The following PTPRM variants were observed in gnomAD, a reference collection of about 807,000 sequenced individuals.
PTPRM encodes the protein receptor-type tyrosine-protein phosphatase mu.
In PTPRM, 47 loss-of-function variants were observed where a neutral mutation model predicts 186.7. That is an observed-to-expected ratio of 0.25 (90% confidence interval 0.20 to 0.32). The LOEUF is 0.32. Among genes scored for constraint, PTPRM ranks in the 10% least tolerant of loss-of-function variants. The pLI, the probability that PTPRM is intolerant of heterozygous loss-of-function variation, is 1.00. For missense variants in PTPRM, 1,494 were observed against 1,865.0 expected, an observed-to-expected ratio of 0.80 and a Z score of 3.66; for synonymous variants, 668 against 674.9, an observed-to-expected ratio of 0.99 and a Z score of 0.16.
At position 8,379,257 on chromosome 18, in the gene PTPRM, A is replaced by G. The variant is rs766485177; in HGVS notation, c.3703A>G (p.Ile1235Val). The G allele has an allele frequency of 2.5e-6, 4 of 1,614,020 alleles. No individual in the cohort carries two copies. In the South Asian group the frequency reaches 3.3e-5, roughly 13 times the overall value. Reference protein sequence around the residue: ...RNHEKNRCMDILPPDRCLPFL... With the variant: ...RNHEKNRCMDVLPPDRCLPFL... The stretch of plus-strand genomic sequence containing the variant: ...CCATGAGAAAAACCGGTGCATGGAC[A>G]TCCTGCCCCCAGACCGCTGCCTGCC... Residue 1235 changes from isoleucine to valine, a missense_variant, in exon 28 of 33, where the codon ATC becomes GTC. By Grantham distance (29) the Ile-to-Val change is conservative (BLOSUM62 3). This residue lies in a region of PTPRM where 1,107 missense variants were observed against 1,350.2 expected (regional missense o/e 0.82). Transcript: ENST00000580170.
intron 1 of PTPRM, among the ~76,000 whole-genome samples, chr18:7,596,698 AG>A (rs1428244865): frequency 8.5e-5 from 13 of 152,070 alleles, no homozygotes; most frequent in Admixed American, 8.5e-4. Context: ...TTGGGGTACA[AG>A]GGGGGACTGC....
At chr18:8,142,972 AC>A (rs2092799492) in intron 13 of PTPRM, among the ~76,000 whole-genome samples, 1 of 152,180 alleles carries the variant, frequency 6.6e-6, no homozygotes, top group Non-Finnish European at 1.5e-5. Context: ...AGCCACCACC[AC>A]TGTAAGACCC....
At chr18:8,252,388 T>C in intron 17 of PTPRM, 100 bp from the exon 18 acceptor site, 3 of 1,020,768 alleles carry the variant, frequency 2.9e-6, no homozygotes, top group Non-Finnish European at 4.7e-6. Context: ...AGTTAAAGCA[T>C]AAAATAAAAA....
chr18:8,224,283 T>G (rs2094187790), intron 14 of PTPRM, among the ~76,000 whole-genome samples: 1 of 152,230 alleles, frequency 6.6e-6, no homozygotes, highest in South Asian at 2.1e-4. Context: ...ATTTAAATCT[T>G]GTGACTCTTC....
chr18:8,085,965 T>G, intron 10 of PTPRM, 93 bp downstream of exon 10: 2 of 1,205,046 alleles, frequency 1.7e-6, no homozygotes, highest in Non-Finnish European at 2.4e-6. Context: ...TCGCCCACAC[T>G]AACATTGTAT....
At chr18:7,785,396 A>G (rs76420947) in intron 2 of PTPRM, among the ~76,000 whole-genome samples, 2,697 of 152,296 alleles carry the variant, frequency 0.018, 19 homozygotes, top group Non-Finnish European at 0.026. Context: ...GTTAAAAGAT[A>G]TAAGTGTTAG....
chr18:8,130,937 G>A (rs2092489351), intron 13 of PTPRM, among the ~76,000 whole-genome samples: 1 of 152,106 alleles, frequency 6.6e-6, no homozygotes, highest in South Asian at 2.1e-4. Context: ...GTGAGACATC[G>A]AGTGCAAAAA....
At chr18:8,404,384 T>C (rs557070363) in intron 32 of PTPRM, 1 of 152,364 alleles carries the variant, frequency 6.6e-6, no homozygotes, top group South Asian at 2.1e-4. Context: ...GCAGTACATG[T>C]GTATTGAGTT....
intron 2 of PTPRM, among the ~76,000 whole-genome samples, chr18:7,885,171 T>C (rs781007045): frequency 2.0e-5 from 3 of 152,114 alleles, no homozygotes; most frequent in East Asian, 1.9e-4. Context: ...CCACTCTCCA[T>C]AGAAGTCCTC....
chr18:7,729,160 T>G (rs2144381442), intron 1 of PTPRM, among the ~76,000 whole-genome samples: 1 of 152,314 alleles, frequency 6.6e-6, no homozygotes, highest in African/African-American at 2.4e-5. Context: ...TCCTCCTGCC[T>G]CAGCCTCTCA....
At chr18:8,230,019 G>A (rs11659295) in intron 14 of PTPRM, among the ~76,000 whole-genome samples, 84,881 of 151,966 alleles carry the variant, frequency 0.56, 24,134 homozygotes, top group Middle Eastern at 0.77. Flanking sequence ...AGCGATATGT[G>A]AATAAAACCC....
At chr18:8,374,059 G>A (rs902543631) in intron 24 of PTPRM, among the ~76,000 whole-genome samples, 3 of 152,132 alleles carry the variant, frequency 2.0e-5, no homozygotes, top group Non-Finnish European at 4.4e-5. Flanking sequence ...ACAGAAAAAA[G>A]GAGACACTGC....
intron 3 of PTPRM, among the ~76,000 whole-genome samples, chr18:7,897,218 G>T (rs1220292125): frequency 6.6e-6 from 1 of 152,180 alleles, no homozygotes; most frequent in Non-Finnish European, 1.5e-5. Flanking sequence ...GGTGAGTGTG[G>T]GTGCCCAGCT....
chr18:8,236,575 T>C (rs2094348068), intron 14 of PTPRM, among the ~76,000 whole-genome samples: 1 of 152,210 alleles, frequency 6.6e-6, no homozygotes. Context: ...GGGGTCTTGC[T>C]ATGTTGCCCA....
chr18:7,943,602 A>G (rs1315605349), intron 5 of PTPRM, among the ~76,000 whole-genome samples: 2 of 152,144 alleles, frequency 1.3e-5, no homozygotes, highest in Non-Finnish European at 2.9e-5. Flanking sequence ...CAGAAGCCCT[A>G]AAAGAAGGTG....
chr18:7,875,842 T>C (rs968380553), intron 2 of PTPRM, among the ~76,000 whole-genome samples: 1 of 152,198 alleles, frequency 6.6e-6, no homozygotes, highest in African/African-American at 2.4e-5. Context: ...CGATTTTTTT[T>C]CATTATGCGA....
At chr18:8,032,978 T>A (rs1269307920) in intron 7 of PTPRM, among the ~76,000 whole-genome samples, 2 of 152,134 alleles carry the variant, frequency 1.3e-5, no homozygotes, top group African/African-American at 4.8e-5. Context: ...GTTTTGAGCA[T>A]TGAAAAGCCT....
At chr18:8,390,745 G>A (rs1238950441) in intron 31 of PTPRM, among the ~76,000 whole-genome samples, 4 of 151,940 alleles carry the variant, frequency 2.6e-5, no homozygotes, top group Non-Finnish European at 5.9e-5. Context: ...TGGCTAACAC[G>A]GTGAAACCCC....
intron 5 of PTPRM, among the ~76,000 whole-genome samples, chr18:7,943,136 C>G (rs1205906339): frequency 1.3e-5 from 2 of 152,152 alleles, no homozygotes; most frequent in Non-Finnish European, 2.9e-5. Flanking sequence ...CTTCCCCATG[C>G]TTCCTCTCCT....
Sources: gnomAD v4.1 joint callset for allele counts (sites outside exome capture counted in the v4.1 genomes callset) on GRCh38, gnomAD v4.1.1 for gene constraint, gnomAD v4.1.1 regional missense constraint, MANE v1.5 for transcripts, NCBI Gene and HGNC (gene_info 2026-07-23, HGNC 2026-07-21) for gene names.